The following CHP1 variants were observed in gnomAD, a reference collection of about 807,000 sequenced individuals.
CHP1 encodes the protein calcineurin B homologous protein 1.
A neutral mutation model predicts 27.4 loss-of-function variants in CHP1; 11 were observed. The ratio of observed to expected loss-of-function variants is 0.40; its 90% CI spans 0.25 to 0.67. CHP1 has a LOEUF of 0.67. CHP1 is among the 30% of genes least tolerant of loss of function. The pLI is 0.38. For missense variants in CHP1, 169 were observed against 251.3 expected, an observed-to-expected ratio of 0.67 and a Z score of 2.22; for synonymous variants, 89 against 87.4, an observed-to-expected ratio of 1.02 and a Z score of -0.10.
At chr15:41,275,870 C>T (rs1030977829) in intron 5 of CHP1, among the ~76,000 whole-genome samples, 7 of 152,104 alleles carry the variant, frequency 4.6e-5, no homozygotes, top group Admixed American at 3.9e-4. Context: ...TATGCACCAC[C>T]ACGCCCAGCT....
At chr15:41,270,007 A>G (rs1482114989) in intron 4 of CHP1, among the ~76,000 whole-genome samples, 1 of 152,202 alleles carries the variant, frequency 6.6e-6, no homozygotes, top group African/African-American at 2.4e-5. Context: ...TTAAAGAGAA[A>G]GAAACATGAT....
intron 5 of CHP1, among the ~76,000 whole-genome samples, chr15:41,273,992 G>T (rs755489294): frequency 4.0e-5 from 6 of 151,424 alleles, no homozygotes; most frequent in Non-Finnish European, 7.4e-5. Flanking sequence ...ACGGAGTCTC[G>T]CTCTGTCGCT....
chr15:41,265,310 G>A (rs1287382512), intron 4 of CHP1, among the ~76,000 whole-genome samples: 3 of 138,662 alleles, frequency 2.2e-5, no homozygotes, highest in Non-Finnish European at 4.6e-5. Flanking sequence ...GCTACAGTGA[G>A]CCGAGATCAT....
At chr15:41,259,973 G>T (rs889493220) in intron 3 of CHP1, among the ~76,000 whole-genome samples, 1 of 152,074 alleles carries the variant, frequency 6.6e-6, no homozygotes, top group African/African-American at 2.4e-5. Context: ...CAGGTGATCC[G>T]CCCGCCCCGG....
intron 2 of CHP1, among the ~76,000 whole-genome samples, chr15:41,250,751 A>G (rs1399537144): frequency 6.6e-6 from 1 of 151,374 alleles, no homozygotes; most frequent in Non-Finnish European, 1.5e-5. Context: ...ACAATGAATA[A>G]TAAAGAATAC....
At chr15:41,242,362 ACACCTACCTAGCCGTACACAT>A (rs1230236959) in intron 1 of CHP1, among the ~76,000 whole-genome samples, 5 of 152,120 alleles carry the variant, frequency 3.3e-5, no homozygotes, top group Non-Finnish European at 7.4e-5. Flanking sequence ...TGTACACCCA[ACACCTACCTAGCCGTACACAT>A]CACCTACCTA....
intron 5 of CHP1, among the ~76,000 whole-genome samples, chr15:41,274,463 C>G (rs1472671074): frequency 6.6e-6 from 1 of 152,074 alleles, no homozygotes; most frequent in Non-Finnish European, 1.5e-5. Flanking sequence ...CTACATTTCC[C>G]AGGCTGGCTT....
At chr15:41,275,156 CT>C (rs1162234544) in intron 5 of CHP1, among the ~76,000 whole-genome samples, 1 of 151,776 alleles carries the variant, frequency 6.6e-6, no homozygotes, top group Non-Finnish European at 1.5e-5. Flanking sequence ...TTCCAATTTT[CT>C]TTTCTTTTTT....
At position 41,279,428 on chromosome 15, in the gene CHP1, ACTGGAACTTGAAAGTC is replaced by A; in HGVS notation, c.*42_*57del. 6.4e-7 allele frequency: 1 copy of A among 1,571,658 alleles called. No homozygotes were observed. The highest frequency in any genetic ancestry group is 8.7e-7 in the Non-Finnish European group (1 of 1,144,150). The stretch of plus-strand genomic sequence containing the variant: ...GTTCCTTGCGGTCTAGTATTTAAGA[ACTGGAACTTGAAAGTC>A]CTCCTTCTACCAACTCCACCTCCAC... On this transcript the variant is annotated 3_prime_UTR_variant, in exon 7 of 7. Transcript: ENST00000334660.
intron 3 of CHP1, among the ~76,000 whole-genome samples, chr15:41,259,657 C>T (rs1449100368): frequency 6.6e-6 from 1 of 152,054 alleles, no homozygotes; most frequent in African/African-American, 2.4e-5. Context: ...AAACTTTACT[C>T]CACATTACTT....
In CHP1 at chr15:41,280,383, C is replaced by T. The variant is rs2047539384; in HGVS notation, c.*994C>T. The T allele has an allele frequency of 6.6e-6, 1 of 152,530 alleles. No individual in the cohort carries two copies. 9.4% of individuals were successfully genotyped at this position (152,530 alleles called of 1,614,324 possible). A position where few individuals can be genotyped will look rare whatever the true frequency, so the allele number is the denominator to read the frequency against. On this transcript the variant is annotated 3_prime_UTR_variant, in exon 7 of 7. Transcript: ENST00000334660. Reference sequence around the variant, plus strand: ...GGAGGCTGGGCACCCTATAAAGCCTCATGCATTCACACCTTTGCAGCATGG... The same window carrying T: ...GGAGGCTGGGCACCCTATAAAGCCTTATGCATTCACACCTTTGCAGCATGG...
intron 2 of CHP1, among the ~76,000 whole-genome samples, chr15:41,251,803 C>CA (rs1259829176): frequency 6.8e-6 from 1 of 146,620 alleles, no homozygotes; most frequent in Non-Finnish European, 1.5e-5. Flanking sequence ...CTGCCAGCTG[C>CA]CTTTTTTTTT....
rs1357338881 is a variant in CHP1, at chr15:41,270,848, T to C, written c.411+230T>C. 2.6e-5 allele frequency among the ~76,000 whole-genome samples: 4 copies of C among 152,310 alleles called. No homozygotes were observed. In the East Asian group the frequency reaches 7.7e-4, roughly 29 times the overall value. On this transcript the variant is annotated intron_variant, in intron 5 of 6. Transcript: ENST00000334660. ...AGCTAACTAGGCTGGGCATGGTGGC[T>C]CACGCCTGTAATCCCAGCATTTTGG...
At chr15:41,274,077 C>A (rs867340247) in intron 5 of CHP1, among the ~76,000 whole-genome samples, 4 of 151,996 alleles carry the variant, frequency 2.6e-5, no homozygotes, top group South Asian at 2.1e-4. Flanking sequence ...TCTCCCGCCT[C>A]AGCCTCCTGA....
chr15:41,251,728 C>G (rs917345619), intron 2 of CHP1, among the ~76,000 whole-genome samples: 18 of 152,050 alleles, frequency 1.2e-4, no homozygotes, highest in African/African-American at 4.1e-4. Context: ...ACTATCCTGT[C>G]TACCCCCAGG....
chr15:41,231,403 G>A lies in CHP1; in HGVS notation c.21G>A (p.Thr7=). 1 of 1,604,212 alleles carries A rather than the reference G, an allele frequency of 6.2e-7. No homozygotes were observed. The highest frequency in any genetic ancestry group is 8.5e-7 in the Non-Finnish European group (1 of 1,176,522). Residue 7 remains threonine (T), a synonymous_variant, in exon 1 of 7, where the codon ACG becomes ACA. Transcript: ENST00000334660. ...CGGCGATGGGTTCTCGGGCCTCCACGTTACTGCGGGACGAAGAGCTCGAGG... is the reference window on the plus strand; with the variant it reads ...CGGCGATGGGTTCTCGGGCCTCCACATTACTGCGGGACGAAGAGCTCGAGG... MGSRAS[T]LLRDEELEEI... is the part of the protein sequence containing the mutation.
At chr15:41,268,892 G>A (rs1003954917) in intron 4 of CHP1, among the ~76,000 whole-genome samples, 3 of 151,994 alleles carry the variant, frequency 2.0e-5, no homozygotes, top group African/African-American at 7.2e-5. Flanking sequence ...CCCAGGAGGC[G>A]GAGCTTGCCG....
At chr15:41,239,745 G>T (rs2047296388) in intron 1 of CHP1, among the ~76,000 whole-genome samples, 1 of 151,502 alleles carries the variant, frequency 6.6e-6, no homozygotes, top group African/African-American at 2.4e-5. Flanking sequence ...TACTATAGGA[G>T]GTTTCAGTGC....
At chr15:41,261,983 A>C in intron 3 of CHP1, among the ~76,000 whole-genome samples, 1 of 129,220 alleles carries the variant, frequency 7.7e-6, no homozygotes, top group African/African-American at 3.0e-5. Flanking sequence ...CAAGAGCAAA[A>C]CTCCATCTCA....
Sources: allele counts gnomAD v4.1 joint callset (sites outside exome capture counted in the v4.1 genomes callset), GRCh38; gene constraint gnomAD v4.1.1; transcripts MANE v1.5; gene names NCBI Gene and HGNC (gene_info 2026-07-23, HGNC 2026-07-21).